ARHGEF3: variants seen among roughly 807,000 people sequenced by gnomAD.
ARHGEF3 encodes the protein Rho guanine nucleotide exchange factor 3, also known as 59.8 kDA protein.
A neutral mutation model predicts 63.2 loss-of-function variants in ARHGEF3; 28 were observed. The ratio of observed to expected loss-of-function variants is 0.44; its 90% CI spans 0.33 to 0.61. The LOEUF (loss-of-function observed/expected upper bound fraction) is 0.61, where lower values mean the gene tolerates loss of function less well. Ranked by LOEUF, ARHGEF3 falls within the 20% of genes least tolerant of loss-of-function variation. The probability of loss-of-function intolerance (pLI) is 0.03; values close to 1 mark genes in which losing one functional copy is unlikely to be tolerated. For missense variants in ARHGEF3, 533 were observed against 659.3 expected, an observed-to-expected ratio of 0.81 and a Z score of 2.10; for synonymous variants, 266 against 254.2, an observed-to-expected ratio of 1.05 and a Z score of -0.44.
At chr3:56,879,465 G>T (rs892458573) in intron 4 of ARHGEF3, among the ~76,000 whole-genome samples, 5 of 152,122 alleles carry the variant, frequency 3.3e-5, no homozygotes, top group Admixed American at 1.3e-4. Flanking sequence ...GCATTGGGCT[G>T]GGACTCAATG....
At chr3:56,730,535 G>A (rs2033073838) in intron 9 of ARHGEF3, among the ~76,000 whole-genome samples, 1 of 151,812 alleles carries the variant, frequency 6.6e-6, no homozygotes, top group South Asian at 2.1e-4. Flanking sequence ...GCACCACCAT[G>A]CCTGGCTGAT....
At chr3:56,976,045 T>TTTG (rs927786246) in intron 2 of ARHGEF3, among the ~76,000 whole-genome samples, 16 of 152,154 alleles carry the variant, frequency 1.1e-4, no homozygotes, top group Admixed American at 5.9e-4. Context: ...GAAGGTGTTT[T>TTTG]TTGTTGTTGT....
chr3:56,837,065 C>T (rs1383458304), intron 4 of ARHGEF3, among the ~76,000 whole-genome samples: 1 of 152,182 alleles, frequency 6.6e-6, no homozygotes, highest in Non-Finnish European at 1.5e-5. Context: ...TTCAAGGATG[C>T]AGAACCTGCA....
intron 2 of ARHGEF3, among the ~76,000 whole-genome samples, chr3:56,996,114 T>A (rs1701978677): frequency 6.6e-6 from 1 of 152,038 alleles, no homozygotes; most frequent in Non-Finnish European, 1.5e-5. Context: ...TTATTCTCAT[T>A]TTGTAGACCT....
intron 4 of ARHGEF3, among the ~76,000 whole-genome samples, chr3:56,839,683 G>A (rs115241112): frequency 0.015 from 2,269 of 152,212 alleles, 57 homozygotes; most frequent in African/African-American, 0.051. Context: ...TACACTCTGC[G>A]CCCTATCCCC....
intron 3 of ARHGEF3, among the ~76,000 whole-genome samples, chr3:56,905,125 C>G (rs1227107356): frequency 6.6e-6 from 1 of 152,118 alleles, no homozygotes; most frequent in Non-Finnish European, 1.5e-5. Context: ...CTCTAGGAAG[C>G]CTTCTCTGAT....
intron 2 of ARHGEF3, among the ~76,000 whole-genome samples, chr3:56,969,386 T>A (rs1325927344): frequency 7.9e-5 from 9 of 113,854 alleles, no homozygotes; most frequent in East Asian, 3.4e-4. Flanking sequence ...TTTTTCTTAT[T>A]GATTGATCAA....
At chr3:56,978,444 T>C (rs1229730083) in intron 2 of ARHGEF3, among the ~76,000 whole-genome samples, 1 of 152,194 alleles carries the variant, frequency 6.6e-6, no homozygotes, top group Non-Finnish European at 1.5e-5. Flanking sequence ...AAAAGAAAAC[T>C]GAAATGCTTT....
At chr3:56,795,033 A>ATT (rs34029903) in intron 1 of ARHGEF3, among the ~76,000 whole-genome samples, 7,747 of 144,488 alleles carry the variant, frequency 0.054, 437 homozygotes, top group African/African-American at 0.13. Flanking sequence ...GAATTCTTTG[A>ATT]TTTTTTTTTT....
chr3:56,879,733 G>C (rs1429311656), intron 4 of ARHGEF3, among the ~76,000 whole-genome samples: 1 of 151,926 alleles, frequency 6.6e-6, no homozygotes, highest in African/African-American at 2.4e-5. Context: ...TTAGCTCAGG[G>C]ACAGTGACTC....
At chr3:56,895,472 ATT>A (rs11323819) in intron 3 of ARHGEF3, among the ~76,000 whole-genome samples, 17 of 77,322 alleles carry the variant, frequency 2.2e-4, no homozygotes, top group South Asian at 7.1e-4. Context: ...TTATTTATTT[ATT>A]TTTTTTTGAG....
intron 2 of ARHGEF3, among the ~76,000 whole-genome samples, chr3:56,962,824 G>T (rs1193691153): frequency 1.3e-5 from 2 of 152,188 alleles, no homozygotes; most frequent in African/African-American, 2.4e-5. Flanking sequence ...AAGTGTATGT[G>T]TCTGGAATCA....
At chr3:56,885,655 C>T (rs905740277) in intron 3 of ARHGEF3, among the ~76,000 whole-genome samples, 2 of 152,138 alleles carry the variant, frequency 1.3e-5, no homozygotes, top group African/African-American at 4.8e-5. Flanking sequence ...TGAGTTCCCC[C>T]AACCCAGTTC....
rs538047150 is a variant in ARHGEF3, at chr3:56,970,630, G to A, written c.63-11741C>T. On this transcript the variant is annotated intron_variant, in intron 2 of 12. Transcript: ENST00000338458. ...GCTCAGAGATTCAGCAGCAACAGCTGGTCTGTCTTCTGCTCCCACTTAAGA... is the reference window on the plus strand; with the variant it reads ...GCTCAGAGATTCAGCAGCAACAGCTAGTCTGTCTTCTGCTCCCACTTAAGA... Among the ~76,000 whole-genome samples, 13 of 152,318 alleles carry A rather than the reference G, an allele frequency of 8.5e-5. No homozygotes were observed. In the South Asian group the frequency reaches 2.3e-3, roughly 27 times the overall value.
chr3:56,852,188 T>C (rs1032850912), intron 4 of ARHGEF3, among the ~76,000 whole-genome samples: 1 of 152,138 alleles, frequency 6.6e-6, no homozygotes, highest in Non-Finnish European at 1.5e-5. Context: ...GAGCTATGGG[T>C]CATTCCGGAA....
intron 1 of ARHGEF3, chr3:57,074,209 G>A (rs2107417504): frequency 4.3e-6 from 7 of 1,614,082 alleles, no homozygotes; most frequent in Non-Finnish European, 5.1e-6. Context: ...ACTGAGGGCT[G>A]CTTTGTCAGG....
intron 4 of ARHGEF3, among the ~76,000 whole-genome samples, chr3:56,821,739 G>A (rs571222136): frequency 6.6e-5 from 10 of 152,204 alleles, no homozygotes; most frequent in African/African-American, 2.2e-4. Context: ...CGAGGTGGGT[G>A]GATCACCTGA....
At chr3:56,877,901 T>C (rs1458105602) in intron 4 of ARHGEF3, among the ~76,000 whole-genome samples, 1 of 152,120 alleles carries the variant, frequency 6.6e-6, no homozygotes, top group African/African-American at 2.4e-5. Flanking sequence ...CTTTATACCA[T>C]TTGTATGTCT....
rs10557985 is a variant in ARHGEF3, at chr3:56,794,488, CA to C, written c.96+7214del. On this transcript the variant is annotated intron_variant, in intron 1 of 9. Transcript: ENST00000296315. ...GGGCAATAAGAGCGAGACTCTATCT[CA>C]AAAAAAAAAAAAAAAAAAAAAAAGA... is the stretch of plus-strand genomic sequence containing the variant. Among the ~76,000 whole-genome samples the C allele has an allele frequency of 8.1e-3, 951 of 116,784 alleles. 4 individuals carry two copies. Among genetic ancestry groups the C allele is most frequent in the South Asian group, 0.012 (42 of 3,478 alleles). 76.6% of individuals were successfully genotyped at this position (116,784 alleles called of 152,430 possible).
Sources: allele counts gnomAD v4.1 joint callset (sites outside exome capture counted in the v4.1 genomes callset), GRCh38; gene constraint gnomAD v4.1.1; transcripts MANE v1.5; gene names NCBI Gene and HGNC (gene_info 2026-07-23, HGNC 2026-07-21).